Variants in GALNT18 observed in about 807,000 individuals in gnomAD.
GALNT18 encodes polypeptide N-acetylgalactosaminyltransferase 18.
A neutral mutation model predicts 69.5 loss-of-function variants in GALNT18; 44 were observed. That is an observed-to-expected ratio of 0.63 (90% CI 0.50 to 0.81). GALNT18 has a LOEUF of 0.81. GALNT18 is among the 40% of genes least tolerant of loss of function. GALNT18 has a pLI of 0.00. For synonymous variants in GALNT18, 364 were observed against 318.2 expected, an observed-to-expected ratio of 1.14 and a Z score of -1.53; for missense variants, 715 against 810.0, an observed-to-expected ratio of 0.88 and a Z score of 1.42.
rs373157398 is a variant in GALNT18 at position 11,290,156 on chromosome 11, C to A, written c.1677+2873G>T. ...TGGTGATGCCTGTCAACATTTCCAG[C>A]CCACACCACCAAAGCTGAGTCCCTA... On this transcript the variant is annotated intron_variant, in intron 10 of 10. Coordinates refer to ENST00000227756, the MANE Select transcript of GALNT18 (RefSeq NM_198516.3). Among the ~76,000 whole-genome samples the A allele has an allele frequency of 3.9e-5, 6 of 152,284 alleles. No individual in the cohort carries two copies. In the South Asian group the frequency reaches 8.3e-4, roughly 21 times the overall value.
chr11:11,398,644 G>T (rs913006481), intron 3 of GALNT18, among the ~76,000 whole-genome samples: 8 of 152,194 alleles, frequency 5.3e-5, no homozygotes, highest in African/African-American at 1.9e-4. Context: ...CAGTTTCCCA[G>T]CCCAGGTGAC....
chr11:11,394,738 A>C (rs1854284788), intron 3 of GALNT18, among the ~76,000 whole-genome samples: 1 of 152,200 alleles, frequency 6.6e-6, no homozygotes, highest in Non-Finnish European at 1.5e-5. Context: ...CAGGACAGGG[A>C]TAGATATAAT....
intron 3 of GALNT18, among the ~76,000 whole-genome samples, chr11:11,405,291 C>G (rs538269142): frequency 6.6e-6 from 1 of 152,206 alleles, no homozygotes; most frequent in South Asian, 2.1e-4. Context: ...CACGGCATCA[C>G]TGTTAAAAAT....
intron 1 of GALNT18, among the ~76,000 whole-genome samples, chr11:11,576,023 A>G (rs912345216): frequency 6.6e-6 from 1 of 152,244 alleles, no homozygotes; most frequent in Non-Finnish European, 1.5e-5. Context: ...GTGCAGCAAC[A>G]AACTCAAGGT....
intron 7 of GALNT18, among the ~76,000 whole-genome samples, chr11:11,334,296 A>C (rs1225209635): frequency 1.3e-5 from 2 of 152,164 alleles, no homozygotes; most frequent in Non-Finnish European, 2.9e-5. Context: ...TAATCCCAGC[A>C]CTTTGGGAGG....
chr11:11,617,349 C>T lies in GALNT18; in HGVS notation c.235+4010G>A, dbSNP rs545416208. 2.0e-5 allele frequency among the ~76,000 whole-genome samples: 3 copies of T among 152,182 alleles called. No individual in the cohort carries two copies. The highest frequency in any genetic ancestry group is 4.4e-5 in the Non-Finnish European group (3 of 68,040). ...CCGCTATGACAAGGACCAAGAGTGC[C>T]CATACTCCTGTAGAGTGTCTCTAGT... On this transcript the variant is annotated intron_variant, in intron 1 of 10. Transcript: ENST00000227756. This position sits in a 1 kb window ranked among gnomAD's most constrained non-coding sequence, Gnocchi z 4.7.
Position 11,454,921 on chromosome 11 carries a change from G to A in GALNT18, c.236-5985C>T, listed in dbSNP as rs903094440. 6.6e-6 allele frequency among the ~76,000 whole-genome samples: 1 copy of A among 152,188 alleles called. No individual in the cohort carries two copies. Among genetic ancestry groups the A allele is most frequent in the African/African-American group, 2.4e-5 (1 of 41,448 alleles). ...TTGAAGAGAAAGGTACAGTTGATGG[G>A]TCTGTGCAAAGCATGACATTTCTGA... On this transcript the variant is annotated intron_variant, in intron 1 of 10. Transcript: ENST00000227756. This position sits in a 1 kb window ranked among gnomAD's most constrained non-coding sequence, Gnocchi z 4.2.
chr11:11,448,672 G>A, intron 2 of GALNT18, 72 bp downstream of exon 2: 4 of 1,351,192 alleles, frequency 3.0e-6, no homozygotes, highest in Non-Finnish European at 4.1e-6. Context: ...GTCCTGCTCT[G>A]TTCCCAGCAC....
chr11:11,537,082 G>A (rs919475517), intron 1 of GALNT18, among the ~76,000 whole-genome samples: 1 of 152,092 alleles, frequency 6.6e-6, no homozygotes, highest in Non-Finnish European at 1.5e-5. Context: ...AGACACTGTT[G>A]CAAGTGCTTT....
chr11:11,612,471 C>T (rs1160744186), intron 1 of GALNT18, among the ~76,000 whole-genome samples: 2 of 152,212 alleles, frequency 1.3e-5, no homozygotes, highest in African/African-American at 4.8e-5. Flanking sequence ...TATCCATTGG[C>T]CTAAGCAATT....
chr11:11,524,566 G>C (rs1857475930), intron 1 of GALNT18, among the ~76,000 whole-genome samples: 2 of 152,198 alleles, frequency 1.3e-5, no homozygotes, highest in South Asian at 4.1e-4. Flanking sequence ...AAAATGGTGT[G>C]TTCCAAATAG....
intron 1 of GALNT18, among the ~76,000 whole-genome samples, chr11:11,493,972 G>A (rs1856824137): frequency 6.6e-6 from 1 of 152,122 alleles, no homozygotes; most frequent in Non-Finnish European, 1.5e-5. Context: ...AGACTGCCTA[G>A]GTTCAGATCC....
rs557435419 is a variant in GALNT18 at position 11,584,624 on chromosome 11, A to G, written c.235+36735T>C. Among the ~76,000 whole-genome samples, 3 of 152,254 alleles carry G rather than the reference A, an allele frequency of 2.0e-5. No homozygotes were observed. In the South Asian group the frequency reaches 6.2e-4, roughly 32 times the overall value. On this transcript the variant is annotated intron_variant, in intron 1 of 10. Coordinates refer to ENST00000227756, the MANE Select transcript of GALNT18 (RefSeq NM_198516.3). This position sits in a 1 kb window ranked among gnomAD's most constrained non-coding sequence, Gnocchi z 4.1. ...TGTGGAGAGCAAAGAAGCAAACCCA[A>G]TGAGTCACAGTGTAAATTATTCCTA...
Position 11,320,606 on chromosome 11 carries a change from C to A in GALNT18, c.1512+6480G>T, listed in dbSNP as rs1357046577. The stretch of plus-strand genomic sequence containing the variant: ...TCTCAGGTAACACGTCCTAGAGTAC[C>A]CCTTTTCTTACTCTTCCATGAGCAG... On this transcript the variant is annotated intron_variant, in intron 9 of 10. Coordinates refer to ENST00000227756, the MANE Select transcript of GALNT18 (RefSeq NM_198516.3). The surrounding 1 kb of genome is among the most constrained non-coding windows in gnomAD (Gnocchi z 4.9). Among the ~76,000 whole-genome samples the A allele has an allele frequency of 6.6e-6, 1 of 152,122 alleles. No individual in the cohort carries two copies. The highest frequency in any genetic ancestry group is 2.4e-5 in the African/African-American group (1 of 41,414).
At chr11:11,304,339 C>T (rs1241056519) in intron 9 of GALNT18, among the ~76,000 whole-genome samples, 1 of 152,190 alleles carries the variant, frequency 6.6e-6, no homozygotes, top group Non-Finnish European at 1.5e-5. Context: ...ATGACCCCCT[C>T]CCTTCAAATT....
At chr11:11,577,931 G>A (rs1282697213) in intron 1 of GALNT18, among the ~76,000 whole-genome samples, 1 of 152,192 alleles carries the variant, frequency 6.6e-6, no homozygotes. Flanking sequence ...GCAGGAAAAG[G>A]GCAAGAAGCA....
chr11:11,327,704 A>G (rs1490383389), intron 8 of GALNT18, among the ~76,000 whole-genome samples: 1 of 152,178 alleles, frequency 6.6e-6, no homozygotes, highest in Non-Finnish European at 1.5e-5. Context: ...ATAAGAGAGG[A>G]GGGGGCCAGG....
In GALNT18 at chr11:11,523,124, G is replaced by C. The variant is rs1857437123; in HGVS notation, c.236-74188C>G. Among the ~76,000 whole-genome samples, 1 of 152,170 alleles carries C rather than the reference G, an allele frequency of 6.6e-6. No individual in the cohort carries two copies. The highest frequency in any genetic ancestry group is 1.5e-5 in the Non-Finnish European group (1 of 68,034). ...TGTCCGCAAGATCAATTCCATCTGA[G>C]TGAAGGTCTACAGTGCTATTTTGAG... On this transcript the variant is annotated intron_variant, in intron 1 of 10. Coordinates refer to ENST00000227756, the MANE Select transcript of GALNT18 (RefSeq NM_198516.3). The surrounding 1 kb of genome is among the most constrained non-coding windows in gnomAD (Gnocchi z 4.3).
intron 8 of GALNT18, among the ~76,000 whole-genome samples, chr11:11,328,997 A>C (rs117320971): frequency 0.01 from 1,406 of 139,710 alleles, 9 homozygotes; most frequent in Non-Finnish European, 0.016. Flanking sequence ...CCCACCCCCC[A>C]CCATCCCTTA....
Sources: allele counts gnomAD v4.1 joint callset (sites outside exome capture counted in the v4.1 genomes callset), GRCh38; gene constraint gnomAD v4.1.1; non-coding constraint Gnocchi (gnomAD v3.1); transcripts MANE v1.5; gene names NCBI Gene and HGNC (gene_info 2026-07-23, HGNC 2026-07-21).